PAQR5: variants seen among roughly 807,000 people sequenced by gnomAD.
PAQR5 encodes progestin and adipoQ receptor family member 5, also known as membrane progestin receptor gamma.
PAQR5 carries 20 observed loss-of-function variants against 34.5 expected under a neutral mutation model. The observed-to-expected ratio is 0.58, with a 90% CI of 0.41 to 0.84. PAQR5 has a LOEUF of 0.84. Among genes scored for constraint, PAQR5 ranks in the 40% least tolerant of loss-of-function variants. The pLI is 0.00. For missense variants in PAQR5, 378 were observed against 412.7 expected, an observed-to-expected ratio of 0.92 and a Z score of 0.73; for synonymous variants, 131 against 155.6, an observed-to-expected ratio of 0.84 and a Z score of 1.18.
intron 1 of PAQR5, among the ~76,000 whole-genome samples, chr15:69,315,909 G>A (rs1270408633): frequency 5.9e-5 from 9 of 152,144 alleles, no homozygotes; most frequent in East Asian, 3.9e-4. Flanking sequence ...CCTTGGGCTC[G>A]GGGCAGTCCT....
intron 1 of PAQR5, among the ~76,000 whole-genome samples, chr15:69,323,551 A>G (rs369840151): frequency 7.2e-5 from 11 of 152,242 alleles, no homozygotes; most frequent in African/African-American, 2.7e-4. Flanking sequence ...CAGCATTTGC[A>G]ACCCATGGGC....
At chr15:69,328,669 A>T (rs1207210756) in intron 1 of PAQR5, among the ~76,000 whole-genome samples, 1 of 152,166 alleles carries the variant, frequency 6.6e-6, no homozygotes, top group Non-Finnish European at 1.5e-5. Flanking sequence ...GCCTGTGCTT[A>T]CCCTGAGTGG....
At position 69,324,965 on chromosome 15, in the gene PAQR5, C is replaced by T. The variant is rs190437227; in HGVS notation, c.-276-12376C>T. ...CCAGGCTGGAGTGCAGTGGGGCAATCTCAGCACATTACAATCTCTTCCTCC... is the reference window on the plus strand; with the variant it reads ...CCAGGCTGGAGTGCAGTGGGGCAATTTCAGCACATTACAATCTCTTCCTCC... On this transcript the variant is annotated intron_variant, in intron 1 of 8. Coordinates refer to ENST00000395407, the MANE Select transcript of PAQR5 (RefSeq NM_017705.4). Among the ~76,000 whole-genome samples the T allele has an allele frequency of 4.4e-4, 66 of 150,768 alleles. 1 individual carries two copies. Among genetic ancestry groups the T allele is most frequent in the African/African-American group, 1.4e-3 (59 of 41,024 alleles).
intron 6 of PAQR5, chr15:69,391,393 C>T (rs1228840172): frequency 2.4e-5 from 4 of 168,342 alleles, no homozygotes; most frequent in Non-Finnish European, 5.2e-5. Context: ...AATTCGCCTT[C>T]CATTCACCTG....
intron 1 of PAQR5, among the ~76,000 whole-genome samples, chr15:69,330,359 T>C (rs1415932320): frequency 2.0e-5 from 3 of 152,208 alleles, no homozygotes; most frequent in Admixed American, 6.5e-5. Flanking sequence ...ACAAAAATGG[T>C]AACAGCTCTT....
At chr15:69,343,902 G>A (rs1048967114) in intron 2 of PAQR5, among the ~76,000 whole-genome samples, 2 of 152,196 alleles carry the variant, frequency 1.3e-5, no homozygotes, top group African/African-American at 4.8e-5. Context: ...GGCTGAGCAA[G>A]CAGACAGATA....
intron 1 of PAQR5, among the ~76,000 whole-genome samples, chr15:69,321,856 G>A (rs940901426): frequency 6.6e-5 from 10 of 152,056 alleles, no homozygotes; most frequent in Admixed American, 3.3e-4. Flanking sequence ...TGGGCACCAC[G>A]GGCACAGCAA....
rs1052033475 is a variant in PAQR5 at position 69,339,174 on chromosome 15, C to CT, written c.-116+1673_-116+1674insT. On this transcript the variant is annotated intron_variant, in intron 2 of 8. Coordinates refer to ENST00000395407, the MANE Select transcript of PAQR5 (RefSeq NM_017705.4). The stretch of plus-strand genomic sequence containing the variant: ...CACTCCTGGCCCACTGGCTACACCC[C>CT]CCACCCCGCCACCAAGTTATCCTTA... Among the ~76,000 whole-genome samples, 21 of 146,064 alleles carry CT rather than the reference C, an allele frequency of 1.4e-4. 2 individuals carry two copies. Among genetic ancestry groups the CT allele is most frequent in the Non-Finnish European group, 2.3e-4 (15 of 64,748 alleles).
At chr15:69,376,420 G>A (rs1266976167) in intron 3 of PAQR5, among the ~76,000 whole-genome samples, 1 of 152,216 alleles carries the variant, frequency 6.6e-6, no homozygotes, top group Non-Finnish European at 1.5e-5. Context: ...TGGGAAGACG[G>A]AGAGAATGTT....
chr15:69,404,692 T>G lies in PAQR5; in HGVS notation c.*870T>G. 1 of 364,486 alleles carries G rather than the reference T, an allele frequency of 2.7e-6. No homozygotes were observed. The highest frequency in any genetic ancestry group is 4.9e-6 in the Non-Finnish European group (1 of 205,154). 22.6% of individuals were successfully genotyped at this position (364,486 alleles called of 1,614,324 possible). ...GGGATGTCATACATTTGATATTGCTTCAGCATTTCAAATATGTTGCAAAAT... is the reference window on the plus strand; with the variant it reads ...GGGATGTCATACATTTGATATTGCTGCAGCATTTCAAATATGTTGCAAAAT... On this transcript the variant is annotated 3_prime_UTR_variant, in exon 9 of 9. Transcript: ENST00000395407.
intron 8 of PAQR5, 38 bp downstream of exon 8, chr15:69,400,153 C>T (rs1184767669): frequency 3.1e-6 from 5 of 1,588,916 alleles, no homozygotes; most frequent in South Asian, 1.2e-5. Context: ...GCTCATTGCC[C>T]TCCTGACTGG....
At chr15:69,381,654 G>A (rs971432730) in intron 4 of PAQR5, among the ~76,000 whole-genome samples, 1 of 152,222 alleles carries the variant, frequency 6.6e-6, no homozygotes, top group African/African-American at 2.4e-5. Flanking sequence ...GGCTCTCAGA[G>A]ATGATCCTGA....
intron 3 of PAQR5, among the ~76,000 whole-genome samples, chr15:69,369,498 T>C (rs1046206511): frequency 6.6e-6 from 1 of 151,514 alleles, no homozygotes; most frequent in African/African-American, 2.4e-5. Context: ...ATAACACCAA[T>C]GCACTCCAGC....
rs200322409 is a variant in PAQR5 at position 69,321,930 on chromosome 15, G to A, written c.-276-15411G>A. Among the ~76,000 whole-genome samples, 4 of 152,310 alleles carry A rather than the reference G, an allele frequency of 2.6e-5. No homozygotes were observed. The East Asian group carries it at 7.7e-4, about 29-fold the overall frequency. On this transcript the variant is annotated intron_variant, in intron 1 of 8. Coordinates refer to ENST00000395407, the MANE Select transcript of PAQR5 (RefSeq NM_017705.4). Reference sequence around the variant, plus strand: ...ACCAGGACACTGGAATCTAACTGAAGTTTGCAAATGAAATGATAGATACCC... The same window carrying A: ...ACCAGGACACTGGAATCTAACTGAAATTTGCAAATGAAATGATAGATACCC...
chr15:69,299,160 C>T (rs2053463048), intron 1 of PAQR5, 104 bp downstream of exon 1: 2 of 152,090 alleles, frequency 1.3e-5, no homozygotes, highest in Non-Finnish European at 2.9e-5. Context: ...CCGTGGAGCC[C>T]GTTGAGCCTG....
chr15:69,385,205 G>A lies in PAQR5; in HGVS notation c.385+323G>A, dbSNP rs779588258. 5.3e-5 allele frequency among the ~76,000 whole-genome samples: 8 copies of A among 152,224 alleles called. No homozygotes were observed. The highest frequency in any genetic ancestry group is 1.2e-4 in the African/African-American group (5 of 41,440). On this transcript the variant is annotated intron_variant, in intron 5 of 8. Coordinates refer to ENST00000395407, the MANE Select transcript of PAQR5 (RefSeq NM_017705.4). This position sits in a 1 kb window ranked among gnomAD's most constrained non-coding sequence, Gnocchi z 4.7. ...AACACAAGGGTGGGAAGAGATATGCGTAGCACACTATTACAGAAATTCCAC... is the reference window on the plus strand; with the variant it reads ...AACACAAGGGTGGGAAGAGATATGCATAGCACACTATTACAGAAATTCCAC...
chr15:69,330,475 C>T (rs914464719), intron 1 of PAQR5, among the ~76,000 whole-genome samples: 1 of 152,134 alleles, frequency 6.6e-6, no homozygotes, highest in Non-Finnish European at 1.5e-5. Context: ...AGATTCTGAC[C>T]CTCCCTAGAC....
intron 1 of PAQR5, among the ~76,000 whole-genome samples, chr15:69,322,921 G>A (rs2054162358): frequency 6.7e-6 from 1 of 149,640 alleles, no homozygotes; most frequent in South Asian, 2.1e-4. Context: ...AGCACAAAGA[G>A]CGCATGGGGG....
At chr15:69,378,781 G>A (rs571700027) in intron 3 of PAQR5, among the ~76,000 whole-genome samples, 1 of 152,270 alleles carries the variant, frequency 6.6e-6, no homozygotes, top group African/African-American at 2.4e-5. Flanking sequence ...GCCCCCAGGG[G>A]ACATCTGACA....
Sources: allele counts gnomAD v4.1 joint callset (sites outside exome capture counted in the v4.1 genomes callset), GRCh38; gene constraint gnomAD v4.1.1; non-coding constraint Gnocchi (gnomAD v3.1); transcripts MANE v1.5; gene names NCBI Gene and HGNC (gene_info 2026-07-23, HGNC 2026-07-21).